The following NTM variants were observed in gnomAD, a reference collection of about 807,000 sequenced individuals.
NTM encodes IgLON family member 2.
Under a neutral mutation model 42.1 loss-of-function variants are expected in NTM, and 13 were observed. The observed-to-expected ratio is 0.31, with a 90% CI of 0.20 to 0.49. NTM has a LOEUF of 0.49. NTM is among the 20% of genes least tolerant of loss of function. NTM has a pLI of 0.99. For synonymous variants in NTM, 187 were observed against 179.2 expected, an observed-to-expected ratio of 1.04 and a Z score of -0.35; for missense variants, 373 against 452.8, an observed-to-expected ratio of 0.82 and a Z score of 1.60.
chr11:132,319,577 G>A (rs867318488), intron 7 of NTM, among the ~76,000 whole-genome samples: 41 of 152,320 alleles, frequency 2.7e-4, no homozygotes, highest in Middle Eastern at 3.4e-3. Flanking sequence ...GGGGAGGGGC[G>A]CCTGCCATTG....
At chr11:131,467,804 G>A (rs1952034863) in intron 1 of NTM, among the ~76,000 whole-genome samples, 1 of 152,212 alleles carries the variant, frequency 6.6e-6, no homozygotes, top group South Asian at 2.1e-4. Flanking sequence ...CAGGCTAAAA[G>A]CCACAGGATT....
chr11:132,200,494 TGTG>T (rs991065880), intron 3 of NTM, among the ~76,000 whole-genome samples: 35 of 152,306 alleles, frequency 2.3e-4, no homozygotes, highest in African/African-American at 7.5e-4. Context: ...TGGGGTGAGG[TGTG>T]GTGGGGACTT....
intron 3 of NTM, among the ~76,000 whole-genome samples, chr11:132,170,298 C>A (rs1372273522): frequency 6.6e-6 from 1 of 152,178 alleles, no homozygotes; most frequent in Non-Finnish European, 1.5e-5. Context: ...GATCTTCCTC[C>A]AATTCCATTT....
At chr11:132,123,122 C>G (rs920158087) in intron 2 of NTM, among the ~76,000 whole-genome samples, 2 of 152,172 alleles carry the variant, frequency 1.3e-5, no homozygotes, top group African/African-American at 4.8e-5. Context: ...TCTCTCTTTT[C>G]TCTCATCTGC....
chr11:131,984,055 A>T (rs1037069309), intron 2 of NTM, among the ~76,000 whole-genome samples: 1 of 152,238 alleles, frequency 6.6e-6, no homozygotes, highest in African/African-American at 2.4e-5. Context: ...AAGAAAAAAT[A>T]GACACAGATT....
At chr11:131,807,617 G>A (rs942450783) in intron 1 of NTM, among the ~76,000 whole-genome samples, 5 of 152,134 alleles carry the variant, frequency 3.3e-5, no homozygotes, top group Admixed American at 6.5e-5. Flanking sequence ...AGGGATGCCC[G>A]TCTCATAGAA....
At position 131,789,504 on chromosome 11, in the gene NTM, AAGAAG is replaced by A. The variant is rs2090141539; in HGVS notation, c.83-122058_83-122054del. On this transcript the variant is annotated intron_variant, in intron 1 of 8. Transcript: ENST00000683400. Reference sequence around the variant, plus strand: ...AAGAAGAAGAAGAGGAAAGAAGAAGAAGAAGAAGAAGAAGAAGAAGAAGAAGAAGA... The same window carrying A: ...AAGAAGAAGAAGAGGAAAGAAGAAGAAAGAAGAAGAAGAAGAAGAAGAAGA... 1.5e-3 allele frequency among the ~76,000 whole-genome samples: 14 copies of A among 9,386 alleles called. 6 individuals are homozygous for A. The highest frequency in any genetic ancestry group is 2.5e-3 in the African/African-American group (5 of 2,016). The allele number at this position is 9,386 out of a possible 152,430, so 6.2% of individuals were successfully genotyped here. A position where few individuals can be genotyped will look rare whatever the true frequency, so the allele number is the denominator to read the frequency against.
intron 3 of NTM, among the ~76,000 whole-genome samples, chr11:132,177,788 G>T (rs2077031795): frequency 1.3e-5 from 2 of 152,192 alleles, no homozygotes; most frequent in African/African-American, 4.8e-5. Context: ...GAAGGATCAG[G>T]ATCTTCATCT....
chr11:131,814,976 G>A (rs1047452077), intron 1 of NTM, among the ~76,000 whole-genome samples: 1 of 151,922 alleles, frequency 6.6e-6, no homozygotes, highest in Non-Finnish European at 1.5e-5. Context: ...CACACTGCGG[G>A]CCATGGATTT....
At chr11:131,964,487 T>C (rs1176325738) in intron 2 of NTM, among the ~76,000 whole-genome samples, 1 of 152,208 alleles carries the variant, frequency 6.6e-6, no homozygotes, top group African/African-American at 2.4e-5. Flanking sequence ...TTTATTTTGA[T>C]TTTTGTAGAA....
chr11:132,048,444 G>A (rs978798781), intron 2 of NTM, among the ~76,000 whole-genome samples: 1 of 152,114 alleles, frequency 6.6e-6, no homozygotes, highest in South Asian at 2.1e-4. Flanking sequence ...ACTTCCTGGG[G>A]ACTAACAGGA....
intron 1 of NTM, among the ~76,000 whole-genome samples, chr11:131,601,725 G>A (rs891183649): frequency 2.0e-5 from 3 of 152,140 alleles, no homozygotes; most frequent in African/African-American, 7.2e-5. Context: ...TTGAATTGTG[G>A]CCTGTGTCTG....
chr11:132,120,235 A>G (rs1259066698), intron 2 of NTM, among the ~76,000 whole-genome samples: 1 of 152,166 alleles, frequency 6.6e-6, no homozygotes, highest in Non-Finnish European at 1.5e-5. Context: ...TGGCTCCTTC[A>G]AATGTAGACG....
intron 2 of NTM, among the ~76,000 whole-genome samples, chr11:132,128,491 C>T (rs1424384951): frequency 6.6e-6 from 1 of 152,070 alleles, no homozygotes; most frequent in Non-Finnish European, 1.5e-5. Context: ...GGACTGGCCC[C>T]AGGCTGTCCA....
intron 2 of NTM, among the ~76,000 whole-genome samples, chr11:132,135,573 T>C (rs1190386066): frequency 6.6e-6 from 1 of 152,090 alleles, no homozygotes; most frequent in Non-Finnish European, 1.5e-5. Flanking sequence ...CCCACCAGGG[T>C]GACCAGGCCC....
At chr11:132,094,863 C>T (rs776017026) in intron 2 of NTM, among the ~76,000 whole-genome samples, 8 of 152,056 alleles carry the variant, frequency 5.3e-5, no homozygotes, top group Non-Finnish European at 8.8e-5. Flanking sequence ...ACTGCCTGCA[C>T]GTTCTGCTCC....
chr11:131,546,965 T>C (rs1304842262), intron 1 of NTM, among the ~76,000 whole-genome samples: 1 of 152,160 alleles, frequency 6.6e-6, no homozygotes, highest in East Asian at 1.9e-4. Context: ...CTTCCCTCCC[T>C]TTCCATCATG....
chr11:132,025,325 A>G (rs369539612), intron 2 of NTM, among the ~76,000 whole-genome samples: 4 of 152,202 alleles, frequency 2.6e-5, no homozygotes, highest in African/African-American at 9.6e-5. Flanking sequence ...ACATTTTAGC[A>G]GTCTACCCAA....
intron 3 of NTM, among the ~76,000 whole-genome samples, chr11:132,204,761 T>A (rs1200738362): frequency 6.6e-6 from 1 of 152,124 alleles, no homozygotes; most frequent in Non-Finnish European, 1.5e-5. Flanking sequence ...CATGACAGAT[T>A]CATCTCTCCG....
Sources: gnomAD v4.1 joint callset for allele counts (sites outside exome capture counted in the v4.1 genomes callset) on GRCh38, gnomAD v4.1.1 for gene constraint, MANE v1.5 for transcripts, NCBI Gene and HGNC (gene_info 2026-07-23, HGNC 2026-07-21) for gene names.